LRRC1: variants seen among roughly 807,000 people sequenced by gnomAD.
LRRC1 encodes leucine rich repeat containing 1, also known as leucine-rich repeat-containing protein 1.
In LRRC1, 28 loss-of-function variants were observed where a neutral mutation model predicts 69.9. The ratio of observed to expected loss-of-function variants is 0.40; its 90% CI spans 0.30 to 0.55. The LOEUF is 0.55. Ranked by LOEUF, LRRC1 falls within the 20% of genes least tolerant of loss-of-function variation. LRRC1 has a pLI of 0.47. For missense variants in LRRC1, 498 were observed against 609.0 expected, an observed-to-expected ratio of 0.82 and a Z score of 1.92; for synonymous variants, 236 against 240.2, an observed-to-expected ratio of 0.98 and a Z score of 0.16.
chr6:53,836,951 A>T (rs927532811), intron 1 of LRRC1, among the ~76,000 whole-genome samples: 4 of 152,210 alleles, frequency 2.6e-5, no homozygotes, highest in Admixed American at 1.3e-4. Flanking sequence ...CAGGTGATTT[A>T]TTCAACATAT....
intron 10 of LRRC1, chr6:53,905,356 TGAAAA>T (rs1768200891): frequency 8.0e-6 from 1 of 124,980 alleles, no homozygotes; most frequent in Non-Finnish European, 1.7e-5. Flanking sequence ...AAAAAAAAAA[TGAAAA>T]GAGAAAAAGA....
rs200893926 is a variant in LRRC1, at chr6:53,911,077, AG to A, written c.991-2775del. ...TAAACCATAGACAATAGAGATCAGG[AG>A]GTCACACTGCCTGCTTTGACAACCC... On this transcript the variant is annotated intron_variant, in intron 10 of 13. Transcript: ENST00000370888. Among the ~76,000 whole-genome samples the A allele has an allele frequency of 2.0e-3, 299 of 152,336 alleles. 4 individuals carry two copies. The East Asian group carries it at 0.041, about 21-fold the overall frequency.
chr6:53,857,133 T>G (rs933830886), intron 2 of LRRC1, among the ~76,000 whole-genome samples: 1 of 151,976 alleles, frequency 6.6e-6, no homozygotes, highest in Non-Finnish European at 1.5e-5. Flanking sequence ...GGGAGAAACT[T>G]TAATAGGAGA....
At chr6:53,891,733 A>G (rs1369457675) in intron 4 of LRRC1, among the ~76,000 whole-genome samples, 1 of 152,120 alleles carries the variant, frequency 6.6e-6, no homozygotes, top group Non-Finnish European at 1.5e-5. Flanking sequence ...CTGTAATCCT[A>G]GCACTTTGGG....
At chr6:53,843,960 A>G (rs1484052187) in intron 2 of LRRC1, among the ~76,000 whole-genome samples, 2 of 152,178 alleles carry the variant, frequency 1.3e-5, no homozygotes, top group African/African-American at 4.8e-5. Flanking sequence ...ATCATAAGAC[A>G]TAGGGTACAG....
At chr6:53,876,216 C>G (rs1402972690) in intron 2 of LRRC1, among the ~76,000 whole-genome samples, 4 of 152,094 alleles carry the variant, frequency 2.6e-5, no homozygotes, top group African/African-American at 9.7e-5. Context: ...GGAAACTCCC[C>G]CTTATAATAA....
chr6:53,864,477 C>A (rs931461993), intron 2 of LRRC1, among the ~76,000 whole-genome samples: 6 of 152,148 alleles, frequency 3.9e-5, no homozygotes, highest in African/African-American at 1.2e-4. Context: ...GACCCTCAAC[C>A]GCTACTTTGC....
At chr6:53,841,312 G>A (rs1765782884) in intron 1 of LRRC1, among the ~76,000 whole-genome samples, 1 of 152,152 alleles carries the variant, frequency 6.6e-6, no homozygotes, top group South Asian at 2.1e-4. Flanking sequence ...TTTCCTCAGA[G>A]GTACCTGGAC....
At chr6:53,845,940 G>A (rs1765929669) in intron 2 of LRRC1, among the ~76,000 whole-genome samples, 1 of 152,152 alleles carries the variant, frequency 6.6e-6, no homozygotes, top group Non-Finnish European at 1.5e-5. Flanking sequence ...AGGCACCCCT[G>A]CACCCTCCCA....
At chr6:53,894,823 T>C (rs1335550135) in intron 4 of LRRC1, among the ~76,000 whole-genome samples, 1 of 152,232 alleles carries the variant, frequency 6.6e-6, no homozygotes, top group East Asian at 1.9e-4. Flanking sequence ...ACGTAAACAC[T>C]TGGTCAAGAG....
intron 1 of LRRC1, among the ~76,000 whole-genome samples, chr6:53,804,405 T>C (rs1200863199): frequency 6.6e-6 from 1 of 152,142 alleles, no homozygotes; most frequent in Non-Finnish European, 1.5e-5. Flanking sequence ...AAAATTCCCT[T>C]TGATTTTAGG....
intron 12 of LRRC1, 28 bp downstream of exon 12, chr6:53,919,698 C>T: frequency 6.3e-7 from 1 of 1,599,206 alleles, no homozygotes; most frequent in East Asian, 2.2e-5. Context: ...ACAGTATTCA[C>T]AGGGCCACGA....
At chr6:53,906,131 A>G (rs1182407530) in intron 10 of LRRC1, among the ~76,000 whole-genome samples, 1 of 152,182 alleles carries the variant, frequency 6.6e-6, no homozygotes, top group East Asian at 1.9e-4. Flanking sequence ...AATCCTTACA[A>G]CAGCTTTTGC....
intron 2 of LRRC1, among the ~76,000 whole-genome samples, chr6:53,878,577 A>T (rs1306382292): frequency 6.6e-6 from 1 of 152,172 alleles, no homozygotes; most frequent in Non-Finnish European, 1.5e-5. Context: ...CTGATCTGAC[A>T]GTAGGTGGAG....
chr6:53,821,940 T>G (rs1282438687), intron 1 of LRRC1, among the ~76,000 whole-genome samples: 1 of 151,964 alleles, frequency 6.6e-6, no homozygotes, highest in Non-Finnish European at 1.5e-5. Context: ...GTGGTGAGGT[T>G]GTTATGTTCT....
At chr6:53,889,199 A>G (rs1168824995) in intron 4 of LRRC1, among the ~76,000 whole-genome samples, 1 of 152,160 alleles carries the variant, frequency 6.6e-6, no homozygotes, top group African/African-American at 2.4e-5. Flanking sequence ...AAAAAGATAA[A>G]TGCTAACAAG....
intron 1 of LRRC1, among the ~76,000 whole-genome samples, chr6:53,803,245 A>G (rs886320158): frequency 6.6e-6 from 1 of 152,192 alleles, no homozygotes; most frequent in Non-Finnish European, 1.5e-5. Context: ...ATGATGACAG[A>G]TCCCAGACAT....
intron 11 of LRRC1, among the ~76,000 whole-genome samples, chr6:53,914,590 G>A (rs1197591510): frequency 6.6e-6 from 1 of 152,192 alleles, no homozygotes; most frequent in African/African-American, 2.4e-5. Context: ...TGGACTGAGT[G>A]CCATTTTCTA....
chr6:53,865,121 G>A (rs1253170434), intron 2 of LRRC1, among the ~76,000 whole-genome samples: 3 of 152,092 alleles, frequency 2.0e-5, no homozygotes, highest in African/African-American at 7.3e-5. Flanking sequence ...AATTCAGTGT[G>A]CTAACAAGAA....
Sources: gnomAD v4.1 joint callset for allele counts (sites outside exome capture counted in the v4.1 genomes callset) on GRCh38, gnomAD v4.1.1 for gene constraint, MANE v1.5 for transcripts, NCBI Gene and HGNC (gene_info 2026-07-23, HGNC 2026-07-21) for gene names.